The following ZNF385D variants were observed in gnomAD, a reference collection of about 807,000 sequenced individuals.
ZNF385D encodes the protein zinc finger protein 385D, also known as zinc finger protein 659.
In ZNF385D, 15 loss-of-function variants were observed where a neutral mutation model predicts 35.8. The observed-to-expected ratio is 0.42, with a 90% CI of 0.28 to 0.64. The LOEUF is 0.64. Ranked by LOEUF, ZNF385D falls within the 30% of genes least tolerant of loss-of-function variation. The probability of loss-of-function intolerance (pLI) is 0.23; values close to 1 mark genes in which losing one functional copy is unlikely to be tolerated. For missense variants in ZNF385D, 474 were observed against 494.6 expected, an observed-to-expected ratio of 0.96 and a Z score of 0.39; for synonymous variants, 212 against 186.8, an observed-to-expected ratio of 1.13 and a Z score of -1.10.
chr3:22,174,304 C>A (rs1694672835), intron 2 of ZNF385D, among the ~76,000 whole-genome samples: 1 of 152,108 alleles, frequency 6.6e-6, no homozygotes, highest in South Asian at 2.1e-4. Flanking sequence ...ACTGTTCTTG[C>A]ATCTGATGCC....
At chr3:22,188,198 A>G (rs1003291579) in intron 2 of ZNF385D, among the ~76,000 whole-genome samples, 4 of 152,198 alleles carry the variant, frequency 2.6e-5, no homozygotes, top group African/African-American at 9.6e-5. Flanking sequence ...GACAAAGACA[A>G]AGCATTAGAT....
At chr3:21,621,767 A>G (rs982526312) in intron 2 of ZNF385D, among the ~76,000 whole-genome samples, 1 of 151,874 alleles carries the variant, frequency 6.6e-6, no homozygotes, top group African/African-American at 2.4e-5. Flanking sequence ...ACTCAAGCAC[A>G]TTGGCTGCTC....
At chr3:22,341,188 A>T (rs975272320) in intron 2 of ZNF385D, among the ~76,000 whole-genome samples, 1 of 152,226 alleles carries the variant, frequency 6.6e-6, no homozygotes, top group Non-Finnish European at 1.5e-5. Flanking sequence ...AGTAGATTAT[A>T]TTATTACCAA....
At chr3:21,679,717 G>C (rs1360735960) in intron 1 of ZNF385D, among the ~76,000 whole-genome samples, 1 of 152,020 alleles carries the variant, frequency 6.6e-6, no homozygotes, top group Non-Finnish European at 1.5e-5. Context: ...AGGAGGTTTG[G>C]AGGGAGGGAG....
intron 3 of ZNF385D, among the ~76,000 whole-genome samples, chr3:21,903,762 A>T (rs960717054): frequency 1.3e-5 from 2 of 152,150 alleles, no homozygotes; most frequent in African/African-American, 4.8e-5. Flanking sequence ...GCTTTGAGTA[A>T]ACCCTAATAA....
chr3:21,883,993 G>A (rs1401491140), intron 3 of ZNF385D, among the ~76,000 whole-genome samples: 5 of 151,952 alleles, frequency 3.3e-5, no homozygotes, highest in African/African-American at 1.2e-4. Flanking sequence ...GATATCCTTA[G>A]TGTATGTTAT....
At chr3:22,311,466 GTTTT>G (rs1703545648) in intron 2 of ZNF385D, among the ~76,000 whole-genome samples, 1 of 151,764 alleles carries the variant, frequency 6.6e-6, no homozygotes, top group South Asian at 2.1e-4. Context: ...GTCTCACTTT[GTTTT>G]TATTTATTTT....
At chr3:22,064,223 T>C (rs1054494390) in intron 3 of ZNF385D, among the ~76,000 whole-genome samples, 2 of 152,178 alleles carry the variant, frequency 1.3e-5, no homozygotes, top group African/African-American at 2.4e-5. Context: ...GCTCAGGCAA[T>C]ACAGGGGTAA....
chr3:22,300,931 C>A (rs2125411651), intron 2 of ZNF385D, among the ~76,000 whole-genome samples: 1 of 152,168 alleles, frequency 6.6e-6, no homozygotes, highest in African/African-American at 2.4e-5. Context: ...AATACTACTA[C>A]TGGGTATATA....
intron 2 of ZNF385D, among the ~76,000 whole-genome samples, chr3:22,321,586 C>T (rs192807486): frequency 3.6e-4 from 54 of 152,068 alleles, no homozygotes; most frequent in African/African-American, 1.1e-3. Flanking sequence ...AGGATGGTCT[C>T]GATCTCCTGA....
At chr3:21,914,702 T>G (rs1168201515) in intron 3 of ZNF385D, among the ~76,000 whole-genome samples, 1 of 152,006 alleles carries the variant, frequency 6.6e-6, no homozygotes, top group Non-Finnish European at 1.5e-5. Flanking sequence ...GAAAAGGAAG[T>G]GAAATATAAA....
intron 2 of ZNF385D, among the ~76,000 whole-genome samples, chr3:22,309,805 T>G (rs1342232897): frequency 1.3e-5 from 2 of 151,960 alleles, no homozygotes; most frequent in Admixed American, 1.3e-4. Context: ...CCTTTCAAAA[T>G]TAAGTATTTT....
chr3:22,182,784 T>C (rs1695366711), intron 2 of ZNF385D, among the ~76,000 whole-genome samples: 1 of 152,134 alleles, frequency 6.6e-6, no homozygotes, highest in African/African-American at 2.4e-5. Flanking sequence ...GCAGTTATTA[T>C]AAATAAAAAT....
chr3:21,660,358 G>T (rs2066201254), intron 2 of ZNF385D, among the ~76,000 whole-genome samples: 1 of 152,034 alleles, frequency 6.6e-6, no homozygotes, highest in Non-Finnish European at 1.5e-5. Context: ...GCATATCCTA[G>T]AAGGCAGAAT....
At chr3:22,023,596 T>C (rs570405203) in intron 3 of ZNF385D, among the ~76,000 whole-genome samples, 68 of 152,134 alleles carry the variant, frequency 4.5e-4, no homozygotes, top group African/African-American at 1.4e-3. Context: ...TGAGATCAAA[T>C]GGAGAGAATT....
chr3:22,082,122 T>TG (rs150362470), intron 3 of ZNF385D, among the ~76,000 whole-genome samples: 16,901 of 151,926 alleles, frequency 0.11, 1,163 homozygotes, highest in Admixed American at 0.19. Context: ...GGTCTGCAGC[T>TG]CCCAGAGTGA....
intron 3 of ZNF385D, among the ~76,000 whole-genome samples, chr3:21,845,252 C>G (rs949174902): frequency 6.6e-6 from 1 of 151,858 alleles, no homozygotes; most frequent in Non-Finnish European, 1.5e-5. Context: ...AGAAGAAAAA[C>G]AGTATTGAGA....
At chr3:22,226,826 C>T (rs561637277) in intron 2 of ZNF385D, among the ~76,000 whole-genome samples, 1 of 152,290 alleles carries the variant, frequency 6.6e-6, no homozygotes, top group African/African-American at 2.4e-5. Context: ...CATTAGTTAG[C>T]AGGTAGGTTG....
chr3:22,304,923 C>G lies in ZNF385D; in HGVS notation c.106+67527G>C, dbSNP rs79497092. ...ATTAATTCATTTATTTTCCTTATTTCTTTTTATGATTAAAGCATTAAGTGC... is the reference window on the plus strand; with the variant it reads ...ATTAATTCATTTATTTTCCTTATTTGTTTTTATGATTAAAGCATTAAGTGC... On this transcript the variant is annotated intron_variant, in intron 2 of 5. Transcript: ENST00000494108. Among the ~76,000 whole-genome samples the G allele has an allele frequency of 9.1e-3, 1,385 of 152,058 alleles. 20 individuals are homozygous for G. The highest frequency in any genetic ancestry group is 0.03 in the African/African-American group (1,248 of 41,502).
Sources: allele counts gnomAD v4.1 joint callset (sites outside exome capture counted in the v4.1 genomes callset), GRCh38; gene constraint gnomAD v4.1.1; transcripts MANE v1.5; gene names NCBI Gene and HGNC (gene_info 2026-07-23, HGNC 2026-07-21).